Variants in KCNC1 observed in about 807,000 individuals in gnomAD.
The protein encoded by KCNC1 is voltage-gated potassium channel KCNC1.
A neutral mutation model predicts 43.4 loss-of-function variants in KCNC1; 8 were observed. The observed-to-expected ratio is 0.18, with a 90% CI of 0.11 to 0.33. The LOEUF (loss-of-function observed/expected upper bound fraction) is 0.33, where lower values mean the gene tolerates loss of function less well. Among genes scored for constraint, KCNC1 ranks in the 10% least tolerant of loss-of-function variants. The pLI, the probability that KCNC1 is intolerant of heterozygous loss-of-function variation, is 1.00. For missense variants in KCNC1, 420 were observed against 836.0 expected, an observed-to-expected ratio of 0.50 and a Z score of 6.14; for synonymous variants, 361 against 360.5, an observed-to-expected ratio of 1.00 and a Z score of -0.01.
chr11:17,745,841 C>A (rs1848892924), intron 1 of KCNC1, among the ~76,000 whole-genome samples: 1 of 152,174 alleles, frequency 6.6e-6, no homozygotes, highest in Admixed American at 6.5e-5. Flanking sequence ...ACTTCTCCGG[C>A]CCCTTCCCCA....
intron 1 of KCNC1, among the ~76,000 whole-genome samples, chr11:17,749,942 C>G (rs1461696933): frequency 6.6e-6 from 1 of 152,218 alleles, no homozygotes; most frequent in African/African-American, 2.4e-5. Flanking sequence ...GGAGAAAACA[C>G]AGTTCTGAGT....
chr11:17,775,281 T>TGGCCC, intron 2 of KCNC1: 2 of 935,830 alleles, frequency 2.1e-6, no homozygotes, highest in Non-Finnish European at 2.5e-6. Flanking sequence ...TCTGAGGGCA[T>TGGCCC]CCCTCCCGCC....
intron 1 of KCNC1, among the ~76,000 whole-genome samples, chr11:17,761,554 C>T (rs74424409): frequency 0.11 from 17,309 of 152,246 alleles, 1,222 homozygotes; most frequent in Non-Finnish European, 0.16. Flanking sequence ...GATGGAACTG[C>T]ATCTCCAAGA....
intron 1 of KCNC1, among the ~76,000 whole-genome samples, chr11:17,740,442 AG>A (rs750395318): frequency 3.3e-5 from 5 of 152,032 alleles, no homozygotes; most frequent in Non-Finnish European, 7.4e-5. Flanking sequence ...TGGAGAGGGC[AG>A]GGGGGTCATA....
intron 1 of KCNC1, among the ~76,000 whole-genome samples, chr11:17,753,906 C>T (rs940854857): frequency 6.6e-6 from 1 of 152,222 alleles, no homozygotes; most frequent in Non-Finnish European, 1.5e-5. Context: ...GCCAGTTCTG[C>T]CCCGTAGACA....
chr11:17,772,915 T>G, intron 2 of KCNC1: 1 of 1,225,994 alleles, frequency 8.2e-7, no homozygotes, highest in African/African-American at 1.5e-5. Flanking sequence ...GGGCTCTGCT[T>G]GGTGGGGCAG....
At chr11:17,743,391 T>C (rs1372260490) in intron 1 of KCNC1, among the ~76,000 whole-genome samples, 1 of 151,876 alleles carries the variant, frequency 6.6e-6, no homozygotes, top group African/African-American at 2.4e-5. Flanking sequence ...CTCCCCACCA[T>C]CCACTCTTTC....
intron 1 of KCNC1, among the ~76,000 whole-genome samples, chr11:17,769,473 TGAATTAAAAA>T (rs1849196935): frequency 6.6e-6 from 1 of 151,372 alleles, no homozygotes; most frequent in South Asian, 2.1e-4. Context: ...GGTGTATGAA[TGAATTAAAAA>T]GGATGAATGG....
chr11:17,773,495 C>A lies in KCNC1; in HGVS notation c.1504+897C>A. 1.0e-6 allele frequency: 1 copy of A among 984,222 alleles called. No individual in the cohort carries two copies. The highest frequency in any genetic ancestry group is 1.2e-6 in the Non-Finnish European group (1 of 829,828). 61.0% of individuals were successfully genotyped at this position (984,222 alleles called of 1,614,324 possible). ...TTCTCCCCGTTTCCAGCGGTAGGGA[C>A]TGCAGCAGCAATATAGACATCCCAA... On this transcript the variant is annotated intron_variant, in intron 2 of 3. Coordinates refer to ENST00000265969, the MANE Select transcript of KCNC1 (RefSeq NM_001112741.2). The surrounding 1 kb of genome is among the most constrained non-coding windows in gnomAD (Gnocchi z 4.1).
At position 17,779,820 on chromosome 11, in the gene KCNC1, G is replaced by C; in HGVS notation, c.1693+176G>C. 2 of 479,602 alleles carry C rather than the reference G, an allele frequency of 4.2e-6. No individual in the cohort carries two copies. The highest frequency in any genetic ancestry group is 7.1e-6 in the Non-Finnish European group (2 of 280,262). 29.7% of individuals were successfully genotyped at this position (479,602 alleles called of 1,614,324 possible). A position where few individuals can be genotyped will look rare whatever the true frequency, so the allele number is the denominator to read the frequency against. On this transcript the variant is annotated intron_variant, in intron 3 of 3. Transcript: ENST00000265969. The surrounding 1 kb of genome is among the most constrained non-coding windows in gnomAD (Gnocchi z 7.2). ...GGAGGGCTGAGGCCCTTCCCCCCAAGTGAGATGTCAGGCTGGCAGAGAGAA... is the reference window on the plus strand; with the variant it reads ...GGAGGGCTGAGGCCCTTCCCCCCAACTGAGATGTCAGGCTGGCAGAGAGAA...
intron 1 of KCNC1, among the ~76,000 whole-genome samples, chr11:17,738,179 A>G (rs1383204537): frequency 2.6e-5 from 4 of 151,972 alleles, no homozygotes; most frequent in African/African-American, 9.7e-5. Context: ...TTCTCCTGGG[A>G]CCCTATCCTC....
chr11:17,740,518 C>T (rs2133778578), intron 1 of KCNC1, among the ~76,000 whole-genome samples: 1 of 152,174 alleles, frequency 6.6e-6, no homozygotes. Context: ...TCCTGTCTTC[C>T]TTGGGGGCCA....
intron 1 of KCNC1, among the ~76,000 whole-genome samples, chr11:17,764,487 T>C (rs1849125688): frequency 6.6e-6 from 1 of 152,090 alleles, no homozygotes; most frequent in South Asian, 2.1e-4. Context: ...TATGTAGACA[T>C]GACACACCTA....
chr11:17,762,981 T>C (rs943625936), intron 1 of KCNC1, among the ~76,000 whole-genome samples: 1 of 152,162 alleles, frequency 6.6e-6, no homozygotes, highest in Non-Finnish European at 1.5e-5. Flanking sequence ...GTGTGCATTT[T>C]ATATGTTTCA....
chr11:17,750,384 A>G lies in KCNC1; in HGVS notation c.570+13812A>G, dbSNP rs1848953484. 1.3e-5 allele frequency among the ~76,000 whole-genome samples: 2 copies of G among 152,194 alleles called. 1 individual carries two copies. Among genetic ancestry groups the G allele is most frequent in the South Asian group, 4.1e-4 (2 of 4,828 alleles). ...TCAGGGCCAGGAGCCACCATCACCA[A>G]TGATATATTTAGAGTCACAAAGGTC... On this transcript the variant is annotated intron_variant, in intron 1 of 3. Transcript: ENST00000265969.
intron 2 of KCNC1, chr11:17,775,699 A>AT (rs1469326361): frequency 1.0e-6 from 1 of 985,504 alleles, no homozygotes. Context: ...CGCTCCTGTG[A>AT]TGTGGGTCAG....
intron 2 of KCNC1, chr11:17,775,288 C>G (rs897900392): frequency 1.4e-5 from 14 of 978,894 alleles, no homozygotes; most frequent in Admixed American, 1.2e-4. Context: ...GCATCCCTCC[C>G]GCCCCCCCAG....
intron 1 of KCNC1, among the ~76,000 whole-genome samples, chr11:17,745,427 A>G (rs771649105): frequency 6.6e-6 from 1 of 152,088 alleles, no homozygotes; most frequent in Non-Finnish European, 1.5e-5. Context: ...ATCTGAGTGC[A>G]TCGCACCCCT....
intron 1 of KCNC1, among the ~76,000 whole-genome samples, chr11:17,764,809 A>G (rs191718131): frequency 1.6e-4 from 23 of 143,806 alleles, no homozygotes; most frequent in African/African-American, 4.8e-4. Context: ...CAGCCGGCCC[A>G]GCACACTGTG....
Sources: allele counts gnomAD v4.1 joint callset (sites outside exome capture counted in the v4.1 genomes callset), GRCh38; gene constraint gnomAD v4.1.1; non-coding constraint Gnocchi (gnomAD v3.1); transcripts MANE v1.5; gene names NCBI Gene and HGNC (gene_info 2026-07-23, HGNC 2026-07-21).